Variants in LRRIQ1 observed in about 807,000 individuals in gnomAD.
LRRIQ1 encodes the protein leucine-rich repeat- and IQ domain-containing protein 1.
A neutral mutation model predicts 211.9 loss-of-function variants in LRRIQ1; 210 were observed. The observed-to-expected ratio is 0.99, with a 90% CI of 0.89 to 1.11. LRRIQ1 has a LOEUF of 1.11. Ranked by LOEUF, LRRIQ1 falls within the 50% of genes most tolerant of loss-of-function variation. The probability of loss-of-function intolerance (pLI) is 0.00; values close to 1 mark genes in which losing one functional copy is unlikely to be tolerated. For missense variants in LRRIQ1, 2,136 were observed against 1,939.5 expected, an observed-to-expected ratio of 1.10 and a Z score of -1.90; for synonymous variants, 699 against 650.1, an observed-to-expected ratio of 1.08 and a Z score of -1.14.
exon 2 of LRRIQ1, chr12:85,263,083 A>G (rs1896343850): frequency 1.0e-6 from 1 of 987,752 alleles, no homozygotes; most frequent in African/African-American, 1.7e-5. Context: ...CAGCATTCAA[A>G]ACATGTGGCA....
chr12:85,263,775 G>T (rs1392734774), exon 2 of LRRIQ1: 2 of 151,698 alleles, frequency 1.3e-5, no homozygotes, highest in Admixed American at 1.3e-4. Context: ...TTTCATTAAG[G>T]TACCTTAAAA....
At chr12:85,100,490 G>C (rs1272729405) in intron 13 of LRRIQ1, among the ~76,000 whole-genome samples, 1 of 151,650 alleles carries the variant, frequency 6.6e-6, no homozygotes, top group East Asian at 1.9e-4. Context: ...TTTGACTATT[G>C]AGATGGGGTT....
At chr12:85,215,285 C>T (rs980334581) in intron 24 of LRRIQ1, among the ~76,000 whole-genome samples, 10 of 152,256 alleles carry the variant, frequency 6.6e-5, no homozygotes, top group African/African-American at 2.4e-4. Flanking sequence ...CCCTATCCTC[C>T]TTCAAGCAAC....
chr12:85,102,833 T>A (rs1886449256), intron 13 of LRRIQ1, among the ~76,000 whole-genome samples: 1 of 150,582 alleles, frequency 6.6e-6, no homozygotes, highest in African/African-American at 2.4e-5. Context: ...AAAGTGAAAA[T>A]TAATGCATAC....
At chr12:85,193,261 C>T (rs1892701238) in intron 24 of LRRIQ1, among the ~76,000 whole-genome samples, 2 of 124,496 alleles carry the variant, frequency 1.6e-5, no homozygotes, top group Admixed American at 1.0e-4. Flanking sequence ...GGATATTATC[C>T]AGGAGAACTT....
At chr12:85,064,107 C>T (rs1027910342) in intron 8 of LRRIQ1, among the ~76,000 whole-genome samples, 1 of 151,834 alleles carries the variant, frequency 6.6e-6, no homozygotes, top group African/African-American at 2.4e-5. Flanking sequence ...AATCTCCAAA[C>T]TGTTCTCCAC....
chr12:85,197,991 ATT>A (rs1893051884), intron 24 of LRRIQ1, among the ~76,000 whole-genome samples: 3 of 60,058 alleles, frequency 5.0e-5, no homozygotes, highest in Admixed American at 2.9e-4. Flanking sequence ...TATATTATAT[ATT>A]ATATATAACA....
intron 24 of LRRIQ1, among the ~76,000 whole-genome samples, chr12:85,167,742 C>T (rs778943993): frequency 3.9e-5 from 6 of 152,182 alleles, no homozygotes; most frequent in Non-Finnish European, 7.4e-5. Context: ...CAATACTTTG[C>T]ATTCTTCTAT....
intron 23 of LRRIQ1, 60 bp downstream of exon 23, chr12:85,154,154 T>TA: frequency 1.2e-6 from 1 of 864,646 alleles, no homozygotes; most frequent in Non-Finnish European, 1.7e-6. Context: ...ATAACTTCTT[T>TA]AAAATATATT....
chr12:85,250,903 T>A (rs1349480951), intron 1 of LRRIQ1, among the ~76,000 whole-genome samples: 2 of 93,366 alleles, frequency 2.1e-5, no homozygotes, highest in Admixed American at 1.6e-4. Flanking sequence ...TTTTATATAT[T>A]ATATATAATA....
intron 24 of LRRIQ1, among the ~76,000 whole-genome samples, chr12:85,194,653 C>A (rs1241953267): frequency 6.6e-6 from 1 of 151,996 alleles, no homozygotes; most frequent in Non-Finnish European, 1.5e-5. Context: ...ATACCAGAAT[C>A]TCTGGGATGA....
intron 24 of LRRIQ1, among the ~76,000 whole-genome samples, chr12:85,198,017 A>T (rs1893059958): frequency 1.7e-5 from 1 of 58,846 alleles, no homozygotes; most frequent in African/African-American, 6.1e-5. Flanking sequence ...ATAATATATT[A>T]TATTATTATA....
chr12:85,133,199 GA>G (rs1264985330), intron 18 of LRRIQ1, among the ~76,000 whole-genome samples: 2 of 152,002 alleles, frequency 1.3e-5, no homozygotes, highest in African/African-American at 4.8e-5. Flanking sequence ...AATCCTATAT[GA>G]TTTTTTATAT....
At chr12:85,251,963 A>G (rs1326954946) in intron 1 of LRRIQ1, among the ~76,000 whole-genome samples, 1 of 152,082 alleles carries the variant, frequency 6.6e-6, no homozygotes, top group East Asian at 1.9e-4. Flanking sequence ...TCTCTGTGCC[A>G]GAATACTTTG....
At chr12:85,127,805 G>A (rs1888471164) in intron 17 of LRRIQ1, 27 bp from the exon 18 acceptor site, 1 of 1,584,562 alleles carries the variant, frequency 6.3e-7, no homozygotes, top group African/African-American at 1.4e-5. Flanking sequence ...TAAAAAAAGT[G>A]TGTGTTTTTT....
At chr12:85,211,564 G>T (rs1474565044) in intron 24 of LRRIQ1, among the ~76,000 whole-genome samples, 1 of 152,068 alleles carries the variant, frequency 6.6e-6, no homozygotes, top group African/African-American at 2.4e-5. Context: ...ACAAACTTTG[G>T]CTCAAAAATC....
intron 24 of LRRIQ1, among the ~76,000 whole-genome samples, chr12:85,172,294 C>G (rs1444544640): frequency 6.6e-6 from 1 of 152,134 alleles, no homozygotes; most frequent in Non-Finnish European, 1.5e-5. Context: ...TCTGGAATAG[C>G]TAGAAATTAT....
At position 85,229,609 on chromosome 12, in the gene LRRIQ1, G is replaced by A. The variant is rs371519477; in HGVS notation, c.4915G>A (p.Val1639Ile). The change falls in exon 25 of 27, where the codon GTT becomes ATT. Residue 1639 changes from valine to isoleucine, a missense_variant. Coordinates refer to ENST00000393217, the MANE Select transcript of LRRIQ1 (RefSeq NM_001079910.2). ...EYTYQWLHTQ[V>I]GVHETTSSRN... The stretch of plus-strand genomic sequence containing the variant: ...TACATACCAATGGCTTCACACACAG[G>A]TTGGGGTTCATGAAACGACTAGTTC... The A allele has an allele frequency of 5.7e-4, 919 of 1,612,346 alleles. No individual in the cohort carries two copies. The highest frequency in any genetic ancestry group is 7.2e-4 in the Non-Finnish European group (847 of 1,179,460).
chr12:85,116,654 A>G (rs1161707751), intron 15 of LRRIQ1, among the ~76,000 whole-genome samples: 1 of 152,084 alleles, frequency 6.6e-6, no homozygotes, highest in African/African-American at 2.4e-5. Context: ...TTCCTCACCC[A>G]GGTATGAAGC....
Sources: gnomAD v4.1 joint callset for allele counts (sites outside exome capture counted in the v4.1 genomes callset) on GRCh38, gnomAD v4.1.1 for gene constraint, MANE v1.5 for transcripts, NCBI Gene and HGNC (gene_info 2026-07-23, HGNC 2026-07-21) for gene names.